The following PUM1 variants were observed in gnomAD, a reference collection of about 807,000 sequenced individuals.
PUM1 encodes pumilio RNA binding family member 1.
A neutral mutation model predicts 131.8 loss-of-function variants in PUM1; 13 were observed. That is an observed-to-expected ratio of 0.10 (90% CI 0.06 to 0.16). PUM1 has a LOEUF of 0.16. PUM1 is among the 10% of genes least tolerant of loss of function. The pLI is 1.00. For missense variants in PUM1, 961 were observed against 1,512.4 expected (o/e 0.64, Z 6.05); for synonymous variants, 509 against 556.5 (o/e 0.91, Z 1.20).
intron 3 of PUM1, among the ~76,000 whole-genome samples, chr1:31,009,255 A>G (rs1006463010): frequency 6.6e-6 from 1 of 152,052 alleles, no homozygotes; most frequent in African/African-American, 2.4e-5. Flanking sequence ...CCTTTCTCCA[A>G]TTAAAATTCT....
intron 14 of PUM1, among the ~76,000 whole-genome samples, chr1:30,958,436 A>G (rs759369653): frequency 6.6e-6 from 1 of 152,204 alleles, no homozygotes; most frequent in African/African-American, 2.4e-5. Flanking sequence ...GCAAATGAAA[A>G]GCCTGGGTGT....
intron 11 of PUM1, 25 bp downstream of exon 11, chr1:30,968,328 TA>T (rs1640711288): frequency 3.8e-6 from 6 of 1,588,286 alleles, no homozygotes; most frequent in South Asian, 3.4e-5. Context: ...CCTGCCAAAG[TA>T]TTAGGAATAA....
chr1:31,011,890 A>G (rs1642631136), intron 3 of PUM1, among the ~76,000 whole-genome samples: 1 of 152,242 alleles, frequency 6.6e-6, no homozygotes, highest in Non-Finnish European at 1.5e-5. Flanking sequence ...TGACAATTCC[A>G]AAAGAAGATA....
intron 17 of PUM1, among the ~76,000 whole-genome samples, chr1:30,947,511 G>C (rs561377262): frequency 6.6e-6 from 1 of 152,316 alleles, no homozygotes; most frequent in South Asian, 2.1e-4. Flanking sequence ...AGGATATATA[G>C]AAAGAGAGAC....
At chr1:30,980,218 T>C in intron 8 of PUM1, 55 bp from the exon 9 acceptor site, 1 of 1,346,876 alleles carries the variant, frequency 7.4e-7, no homozygotes, top group Non-Finnish European at 1.1e-6. Flanking sequence ...TGCAGCCCTA[T>C]CAAATACCTA....
In PUM1 at chr1:30,953,984, G is replaced by A. The variant is rs1224166692; in HGVS notation, c.2324-3C>T. On this transcript the variant is annotated splice_polypyrimidine_tract_variant and splice_region_variant and intron_variant, in intron 14 of 21. Transcript: ENST00000426105. ...TCCACTGCCATTCGTGAGTCCTCCT[G>A]TTGGTTACAGAACAGGATAACTTAA... is the stretch of plus-strand genomic sequence containing the variant. 6.2e-7 allele frequency: 1 copy of A among 1,613,242 alleles called. No individual in the cohort carries two copies. Among genetic ancestry groups the A allele is most frequent in the Admixed American group, 1.7e-5 (1 of 59,978 alleles).
intron 3 of PUM1, among the ~76,000 whole-genome samples, chr1:31,025,542 TGTC>T (rs370685788): frequency 1.4e-5 from 2 of 144,374 alleles, no homozygotes; most frequent in Admixed American, 7.1e-5. Context: ...GTTTGTTTTT[TGTC>T]TTTTTTTTTT....
chr1:31,014,252 G>C (rs1263482365), intron 3 of PUM1, among the ~76,000 whole-genome samples: 2 of 140,938 alleles, frequency 1.4e-5, no homozygotes, highest in Non-Finnish European at 3.0e-5. Flanking sequence ...AGTGAGCCAT[G>C]ATTGTGCCAC....
At chr1:30,993,182 C>T (rs898312730) in intron 6 of PUM1, among the ~76,000 whole-genome samples, 4 of 152,054 alleles carry the variant, frequency 2.6e-5, no homozygotes, top group African/African-American at 9.7e-5. Context: ...AATGTTAAAA[C>T]TAACTCCCCT....
chr1:30,948,477 C>T (rs2153850), intron 17 of PUM1, among the ~76,000 whole-genome samples: 106,270 of 151,976 alleles, frequency 0.7, 38,793 homozygotes, highest in African/African-American at 0.9. Flanking sequence ...GAAACAACGA[C>T]AGCTGGGTAT....
intron 5 of PUM1, among the ~76,000 whole-genome samples, chr1:31,001,511 AG>A (rs1240242865): frequency 6.6e-6 from 1 of 152,338 alleles, no homozygotes; most frequent in East Asian, 1.9e-4. Context: ...CACAGTTGAA[AG>A]CAATACAGCT....
chr1:31,013,811 C>G (rs761880115), intron 3 of PUM1, among the ~76,000 whole-genome samples: 17 of 152,270 alleles, frequency 1.1e-4, no homozygotes, highest in Non-Finnish European at 1.9e-4. Context: ...CTCTCCATAC[C>G]ACAGACTGTT....
intron 2 of PUM1, among the ~76,000 whole-genome samples, chr1:31,053,097 C>A (rs1644151856): frequency 1.3e-5 from 2 of 150,990 alleles, no homozygotes; most frequent in African/African-American, 4.9e-5. Flanking sequence ...ACTGCAACCT[C>A]TGCCCCCGAT....
intron 3 of PUM1, 128 bp from the exon 4 acceptor site, chr1:31,007,230 T>C: frequency 1.5e-6 from 1 of 682,586 alleles, no homozygotes; most frequent in Non-Finnish European, 2.6e-6. Context: ...ATTAAAGTGT[T>C]CCAACTACAC....
At chr1:30,979,736 G>C (rs1219537927) in intron 9 of PUM1, among the ~76,000 whole-genome samples, 1 of 152,124 alleles carries the variant, frequency 6.6e-6, no homozygotes, top group East Asian at 1.9e-4. Context: ...ACCAGTAAAA[G>C]TACCTGAACT....
chr1:30,981,749 T>C (rs912823624), intron 7 of PUM1, among the ~76,000 whole-genome samples: 2 of 152,122 alleles, frequency 1.3e-5, no homozygotes, highest in Admixed American at 6.6e-5. Context: ...ATCTCATATA[T>C]ATGCATTCAA....
At chr1:30,953,131 G>A (rs767640387) in intron 15 of PUM1, among the ~76,000 whole-genome samples, 70 of 152,168 alleles carry the variant, frequency 4.6e-4, no homozygotes, top group Non-Finnish European at 8.7e-4. Flanking sequence ...ATTCAAATAT[G>A]AGAAATTTTG....
At chr1:30,967,555 T>C (rs377506481) in intron 11 of PUM1, among the ~76,000 whole-genome samples, 1 of 152,198 alleles carries the variant, frequency 6.6e-6, no homozygotes, top group Non-Finnish European at 1.5e-5. Context: ...AAAACCTAGA[T>C]AGGCTTTAAA....
In PUM1 at chr1:30,945,489, G is replaced by A. The variant is rs369457554; in HGVS notation, c.2857-6C>T. ...AGTTCCCGAACCATCTCATTCTAATGGAGACAAAGAAAGCACCACCAGAAT... is the reference window on the plus strand; with the variant it reads ...AGTTCCCGAACCATCTCATTCTAATAGAGACAAAGAAAGCACCACCAGAAT... On this transcript the variant is annotated splice_region_variant and splice_polypyrimidine_tract_variant and intron_variant, in intron 17 of 21. Coordinates refer to ENST00000426105, the MANE Select transcript of PUM1 (RefSeq NM_001020658.2). 6.2e-7 allele frequency: 1 copy of A among 1,613,702 alleles called. No homozygotes were observed. Among genetic ancestry groups the A allele is most frequent in the Non-Finnish European group, 8.5e-7 (1 of 1,179,966 alleles).
Sources: gnomAD v4.1 joint callset for allele counts (sites outside exome capture counted in the v4.1 genomes callset) on GRCh38, gnomAD v4.1.1 for gene constraint, MANE v1.5 for transcripts, NCBI Gene and HGNC (gene_info 2026-07-23, HGNC 2026-07-21) for gene names.